The following CADM2 variants were observed in gnomAD, a reference collection of about 807,000 sequenced individuals.
CADM2 encodes immunoglobulin superfamily member 4D.
Under a neutral mutation model 49.8 loss-of-function variants are expected in CADM2, and 12 were observed. That is an observed-to-expected ratio of 0.24 (90% CI 0.15 to 0.39). CADM2 has a LOEUF of 0.39. CADM2 is among the 10% of genes least tolerant of loss of function. The pLI, the probability that CADM2 is intolerant of heterozygous loss-of-function variation, is 1.00. For synonymous variants in CADM2, 214 were observed against 175.4 expected, an observed-to-expected ratio of 1.22 and a Z score of -1.74; for missense variants, 378 against 492.3, an observed-to-expected ratio of 0.77 and a Z score of 2.20.
intron 1 of CADM2, among the ~76,000 whole-genome samples, chr3:85,368,506 GTA>G (rs1173499971): frequency 1.3e-5 from 2 of 149,968 alleles, no homozygotes; most frequent in South Asian, 2.1e-4. Flanking sequence ...TCATATGTGT[GTA>G]TATATATACA....
intron 1 of CADM2, among the ~76,000 whole-genome samples, chr3:85,718,748 CAG>C (rs2067388578): frequency 6.6e-6 from 1 of 151,490 alleles, no homozygotes; most frequent in South Asian, 2.1e-4. Context: ...AGTGAGAAAA[CAG>C]GGAAAATAAG....
chr3:84,970,589 A>G (rs2031358036), intron 1 of CADM2, among the ~76,000 whole-genome samples: 1 of 152,026 alleles, frequency 6.6e-6, no homozygotes, highest in Non-Finnish European at 1.5e-5. Flanking sequence ...CTTAAGATTT[A>G]CCTGAATGCC....
intron 8 of CADM2, among the ~76,000 whole-genome samples, chr3:86,045,959 G>A (rs1736625742): frequency 6.6e-6 from 1 of 152,112 alleles, no homozygotes. Context: ...GAAAATGTTA[G>A]CATAGCCTCA....
chr3:85,034,776 T>C (rs2035136382), intron 1 of CADM2, among the ~76,000 whole-genome samples: 1 of 145,138 alleles, frequency 6.9e-6, no homozygotes, highest in Admixed American at 6.9e-5. Context: ...ATCTTTTAGA[T>C]AAAAGACATT....
intron 1 of CADM2, among the ~76,000 whole-genome samples, chr3:85,042,289 A>C (rs17022340): frequency 0.037 from 5,632 of 152,260 alleles, 337 homozygotes; most frequent in African/African-American, 0.13. Context: ...GCATGAAAGC[A>C]GTCTTCAAAC....
At chr3:85,879,771 C>T (rs1053651468) in intron 3 of CADM2, among the ~76,000 whole-genome samples, 6 of 152,208 alleles carry the variant, frequency 3.9e-5, no homozygotes, top group African/African-American at 4.8e-5. Context: ...AACATCACAA[C>T]GAGGAAATTG....
intron 2 of CADM2, among the ~76,000 whole-genome samples, chr3:85,786,934 C>T (rs766711185): frequency 2.6e-5 from 4 of 151,992 alleles, no homozygotes; most frequent in Non-Finnish European, 5.9e-5. Context: ...TTTTGTGTTA[C>T]TGCATTTTTG....
intron 1 of CADM2, among the ~76,000 whole-genome samples, chr3:85,525,133 T>C (rs1009577765): frequency 6.6e-6 from 1 of 152,120 alleles, no homozygotes; most frequent in African/African-American, 2.4e-5. Flanking sequence ...TCTGCACGTG[T>C]ATCCCAGAGC....
Position 85,532,852 on chromosome 3 carries a change from C to T in CADM2, c.62-193670C>T, listed in dbSNP as rs534091347. ...ATAAAAAATGAGATAATGTCCTTTG[C>T]AGGGACATGGATGGAGCTGGAGGTC... On this transcript the variant is annotated intron_variant, in intron 1 of 9. Transcript: ENST00000383699. 8.7e-4 allele frequency among the ~76,000 whole-genome samples: 133 copies of T among 152,228 alleles called. No individual in the cohort carries two copies. The Middle Eastern group carries it at 0.014, about 16-fold the overall frequency.
chr3:85,111,313 TA>T (rs2038448322), intron 1 of CADM2, among the ~76,000 whole-genome samples: 1 of 151,868 alleles, frequency 6.6e-6, no homozygotes, highest in Non-Finnish European at 1.5e-5. Context: ...ACTAACTTTT[TA>T]AAGTTAAAAA....
chr3:85,656,918 C>T (rs567385123), intron 1 of CADM2, among the ~76,000 whole-genome samples: 1 of 152,220 alleles, frequency 6.6e-6, no homozygotes, highest in Non-Finnish European at 1.5e-5. Flanking sequence ...TCAGTCTACC[C>T]AGTCTGGTCT....
chr3:85,340,139 A>C (rs141969995), intron 1 of CADM2, among the ~76,000 whole-genome samples: 12 of 151,570 alleles, frequency 7.9e-5, no homozygotes, highest in African/African-American at 2.7e-4. Context: ...TAGGTTAAAA[A>C]TAATCTGAAA....
chr3:85,757,007 T>G (rs895577809), intron 2 of CADM2, among the ~76,000 whole-genome samples: 8 of 152,124 alleles, frequency 5.3e-5, no homozygotes, highest in Non-Finnish European at 1.5e-5. Context: ...TCCACTTGGG[T>G]TGTCAGAGCT....
chr3:85,160,570 C>T (rs1023934914), intron 1 of CADM2, among the ~76,000 whole-genome samples: 1 of 152,102 alleles, frequency 6.6e-6, no homozygotes. Context: ...AAAATATCTA[C>T]TGTGTAAGTC....
At chr3:85,406,609 C>G (rs1245204841) in intron 1 of CADM2, among the ~76,000 whole-genome samples, 2 of 152,094 alleles carry the variant, frequency 1.3e-5, no homozygotes, top group Non-Finnish European at 2.9e-5. Context: ...TAAGATTCAA[C>G]TCAGGATCTT....
intron 2 of CADM2, among the ~76,000 whole-genome samples, chr3:85,765,799 TG>T (rs1216308693): frequency 3.9e-5 from 6 of 152,068 alleles, no homozygotes; most frequent in Non-Finnish European, 5.9e-5. Context: ...AAATGTCCTG[TG>T]TAGGGTAATT....
chr3:85,454,447 G>A (rs1480597609), intron 1 of CADM2, among the ~76,000 whole-genome samples: 1 of 152,088 alleles, frequency 6.6e-6, no homozygotes, highest in Non-Finnish European at 1.5e-5. Context: ...AAAAAATGGA[G>A]CTGTTGAGAG....
chr3:85,510,384 T>G (rs1424056058), intron 1 of CADM2, among the ~76,000 whole-genome samples: 1 of 152,054 alleles, frequency 6.6e-6, no homozygotes, highest in Admixed American at 6.6e-5. Context: ...ATATTCCAAT[T>G]AGAAATTCTT....
Position 85,886,252 on chromosome 3 carries a change from C to T in CADM2, c.454C>T (p.Gln152Ter). The change falls in exon 5 of 10, where the codon CAG becomes TAG. Residue 152 changes from glutamine (Q) to a stop codon, truncating the protein, a stop_gained. Transcript: ENST00000383699. LOFTEE classifies it high-confidence loss of function. ...ACCAGTTATGGAGGGTGACTTGATGCAGCTGACTTGCAAAACATCTGGTAG... is the reference window on the plus strand; with the variant it reads ...ACCAGTTATGGAGGGTGACTTGATGTAGCTGACTTGCAAAACATCTGGTAG... ...SSPVMEGDLMQLTCKTSGSKP... is the reference protein window; with the variant it reads ...SSPVMEGDLM 1 of 1,613,864 alleles carries T rather than the reference C, an allele frequency of 6.2e-7. No homozygotes were observed. Among genetic ancestry groups the T allele is most frequent in the Non-Finnish European group, 8.5e-7 (1 of 1,179,898 alleles).
Sources: allele counts gnomAD v4.1 joint callset (sites outside exome capture counted in the v4.1 genomes callset), GRCh38; gene constraint gnomAD v4.1.1; transcripts MANE v1.5; gene names NCBI Gene and HGNC (gene_info 2026-07-23, HGNC 2026-07-21).